KLHL32: variants seen among roughly 807,000 people sequenced by gnomAD.
KLHL32 encodes kelch like family member 32.
In KLHL32, 35 loss-of-function variants were observed where a neutral mutation model predicts 64.8. The observed-to-expected ratio is 0.54, with a 90% CI of 0.41 to 0.72. KLHL32 has a LOEUF of 0.72. Ranked by LOEUF, KLHL32 falls within the 30% of genes least tolerant of loss-of-function variation. The pLI is 0.00. For synonymous variants in KLHL32, 259 were observed against 281.0 expected, an observed-to-expected ratio of 0.92 and a Z score of 0.78; for missense variants, 589 against 768.5, an observed-to-expected ratio of 0.77 and a Z score of 2.76.
chr6:96,961,794 G>A (rs2128026367), intron 1 of KLHL32, among the ~76,000 whole-genome samples: 1 of 152,288 alleles, frequency 6.6e-6, no homozygotes, highest in Non-Finnish European at 1.5e-5. Flanking sequence ...GGTGGCACTA[G>A]CATAATGTGA....
chr6:97,020,890 A>G (rs1781895494), intron 3 of KLHL32, among the ~76,000 whole-genome samples: 2 of 150,820 alleles, frequency 1.3e-5, no homozygotes, highest in Non-Finnish European at 2.9e-5. Flanking sequence ...ACCCAGGTTC[A>G]GTCCTTCCAC....
chr6:96,916,547 G>T, the KLHL32 span, among the ~76,000 whole-genome samples: 1 of 152,078 alleles, frequency 6.6e-6, no homozygotes, highest in Admixed American at 6.5e-5. Context: ...TCACTTTCCC[G>T]TAATTTATCA....
chr6:97,008,064 C>T (rs571398871), intron 3 of KLHL32, among the ~76,000 whole-genome samples: 10 of 152,230 alleles, frequency 6.6e-5, no homozygotes, highest in East Asian at 1.9e-4. Flanking sequence ...CCTCCTCATG[C>T]AGGTGGTTGT....
At chr6:97,047,972 T>G (rs1786194506) in intron 4 of KLHL32, among the ~76,000 whole-genome samples, 1 of 152,186 alleles carries the variant, frequency 6.6e-6, no homozygotes. Context: ...GTTTATTGTT[T>G]AACACTCTGG....
intron 6 of KLHL32, among the ~76,000 whole-genome samples, chr6:97,112,267 C>T (rs1395123994): frequency 6.6e-6 from 1 of 152,084 alleles, no homozygotes; most frequent in Non-Finnish European, 1.5e-5. Flanking sequence ...TTCACATTGT[C>T]TGGGAGATCT....
At chr6:97,127,964 C>T (rs1799047763) in intron 8 of KLHL32, among the ~76,000 whole-genome samples, 1 of 152,144 alleles carries the variant, frequency 6.6e-6, no homozygotes, top group Non-Finnish European at 1.5e-5. Context: ...CTTTTGTCTA[C>T]ATTTCATGTA....
rs1774525404 is a variant in KLHL32 at position 96,966,995 on chromosome 6, G to T, written c.-65-1G>T. The T allele has an allele frequency of 6.9e-7, 1 of 1,451,146 alleles. No individual in the cohort carries two copies. 89.9% of individuals were successfully genotyped at this position (1,451,146 alleles called of 1,614,324 possible). On this transcript the variant is annotated splice_acceptor_variant, in intron 1 of 10. Coordinates refer to ENST00000369261, the MANE Select transcript of KLHL32 (RefSeq NM_052904.4). LOFTEE classifies it low-confidence loss of function (5UTR_SPLICE). ...CCCTTTTCTCTTGTCTTTTTATTCA[G>T]CTGGAATGCTTGCTGATTCCTCTGC...
chr6:97,103,634 T>C (rs1156583677), intron 6 of KLHL32, among the ~76,000 whole-genome samples: 4 of 152,242 alleles, frequency 2.6e-5, no homozygotes, highest in African/African-American at 9.6e-5. Context: ...TTTCATGATA[T>C]AATCTGATCA....
intron 1 of KLHL32, among the ~76,000 whole-genome samples, chr6:96,957,767 T>A (rs1773432637): frequency 6.6e-6 from 1 of 152,242 alleles, no homozygotes; most frequent in Admixed American, 6.5e-5. Flanking sequence ...TATTTTAATT[T>A]GGTTCCCAAG....
chr6:96,995,879 T>A (rs898907022), intron 3 of KLHL32, among the ~76,000 whole-genome samples: 1 of 152,254 alleles, frequency 6.6e-6, no homozygotes, highest in East Asian at 1.9e-4. Flanking sequence ...ATGTACTATG[T>A]GTGGCAGCCC....
At chr6:97,112,497 AGTGCAATG>A (rs1333006683) in intron 6 of KLHL32, among the ~76,000 whole-genome samples, 3 of 150,858 alleles carry the variant, frequency 2.0e-5, no homozygotes, top group African/African-American at 7.3e-5. Context: ...CCCAGGCTGG[AGTGCAATG>A]GTGGGATCTC....
In KLHL32 at chr6:96,930,815, G is replaced by A. The variant is rs527963169; in HGVS notation, c.-66+5789G>A. Among the ~76,000 whole-genome samples, 4 of 151,952 alleles carry A rather than the reference G, an allele frequency of 2.6e-5. No homozygotes were observed. The South Asian group carries it at 8.3e-4, about 32-fold the overall frequency. On this transcript the variant is annotated intron_variant, in intron 1 of 10. Coordinates refer to ENST00000369261, the MANE Select transcript of KLHL32 (RefSeq NM_052904.4). ...TCTTTTATGCAGCTCCTGGAGCATCGGCCTGGTCACAAGGAAAAGGAGGGA... is the reference window on the plus strand; with the variant it reads ...TCTTTTATGCAGCTCCTGGAGCATCAGCCTGGTCACAAGGAAAAGGAGGGA...
At chr6:96,937,253 G>A (rs569721794) in intron 1 of KLHL32, among the ~76,000 whole-genome samples, 1 of 152,210 alleles carries the variant, frequency 6.6e-6, no homozygotes, top group Non-Finnish European at 1.5e-5. Context: ...TCCATCATAG[G>A]TAACCTCTGC....
rs553728607 is a variant in KLHL32, at chr6:97,070,907, T to G, written c.411+6181T>G. 4.6e-5 allele frequency among the ~76,000 whole-genome samples: 7 copies of G among 152,252 alleles called. No homozygotes were observed. The South Asian group carries it at 1.5e-3, about 32-fold the overall frequency. Reference sequence around the variant, plus strand: ...AAGATCTGTGTTTCATTTGAGATATTTATTCTCCCACCCACCCATCTGTAA... The same window carrying G: ...AAGATCTGTGTTTCATTTGAGATATGTATTCTCCCACCCACCCATCTGTAA... On this transcript the variant is annotated intron_variant, in intron 5 of 10. Coordinates refer to ENST00000369261, the MANE Select transcript of KLHL32 (RefSeq NM_052904.4).
intron 3 of KLHL32, among the ~76,000 whole-genome samples, chr6:96,997,380 C>A (rs916530192): frequency 4.6e-5 from 7 of 152,080 alleles, no homozygotes; most frequent in Non-Finnish European, 7.3e-5. Context: ...AGAATTTATC[C>A]CCTAAAACAC....
intron 1 of KLHL32, among the ~76,000 whole-genome samples, chr6:96,928,434 G>A (rs1484078969): frequency 2.0e-5 from 3 of 152,194 alleles, no homozygotes; most frequent in Admixed American, 6.5e-5. Flanking sequence ...AGCAGAGGAT[G>A]CAACTGCGGA....
intron 3 of KLHL32, among the ~76,000 whole-genome samples, chr6:97,028,394 C>T (rs1478806730): frequency 6.6e-6 from 1 of 152,176 alleles, no homozygotes; most frequent in African/African-American, 2.4e-5. Context: ...TTGAAAACCA[C>T]ACAGGAGTCT....
chr6:97,078,083 C>G (rs368913442), intron 5 of KLHL32, among the ~76,000 whole-genome samples: 196 of 152,200 alleles, frequency 1.3e-3, no homozygotes, highest in Non-Finnish European at 2.1e-3. Flanking sequence ...GCAGCTGATA[C>G]AATTTTTAAA....
chr6:97,103,254 C>T (rs1029132836), intron 6 of KLHL32, among the ~76,000 whole-genome samples: 2 of 149,806 alleles, frequency 1.3e-5, no homozygotes, highest in African/African-American at 4.9e-5. Flanking sequence ...CGCTCTGTCA[C>T]CCAGGCTGGA....
Sources: allele counts gnomAD v4.1 joint callset (sites outside exome capture counted in the v4.1 genomes callset), GRCh38; gene constraint gnomAD v4.1.1; transcripts MANE v1.5; gene names NCBI Gene and HGNC (gene_info 2026-07-23, HGNC 2026-07-21).